PPP1R13B: variants seen among roughly 807,000 people sequenced by gnomAD.
The protein encoded by PPP1R13B is apoptosis-stimulating of p53 protein 1.
PPP1R13B carries 44 observed loss-of-function variants against 119.8 expected under a neutral mutation model. The observed-to-expected ratio is 0.37, with a 90% confidence interval of 0.29 to 0.47. PPP1R13B has a LOEUF of 0.47. PPP1R13B is among the 20% of genes least tolerant of loss of function. The pLI is 0.99. For synonymous variants in PPP1R13B, 542 were observed against 561.5 expected (o/e 0.97, Z 0.49); for missense variants, 1,227 against 1,413.5 (o/e 0.87, Z 2.12).
intron 1 of PPP1R13B, among the ~76,000 whole-genome samples, chr14:103,803,558 C>T (rs1025177050): frequency 6.6e-6 from 1 of 152,044 alleles, no homozygotes; most frequent in East Asian, 1.9e-4. Flanking sequence ...CAGGAGAATG[C>T]TGTGAACCCG....
chr14:103,763,927 G>C, intron 4 of PPP1R13B: 1 of 152,126 alleles, frequency 6.6e-6, no homozygotes, highest in South Asian at 2.1e-4. Flanking sequence ...CTGCTGTGAG[G>C]TTTTTGAGGT....
At chr14:103,752,483 A>G (rs2084573076) in intron 7 of PPP1R13B, among the ~76,000 whole-genome samples, 1 of 151,410 alleles carries the variant, frequency 6.6e-6, no homozygotes, top group South Asian at 2.1e-4. Context: ...TACTGAAGCC[A>G]CTGAATTGTA....
At chr14:103,797,266 T>C (rs2085781756) in intron 2 of PPP1R13B, 105 bp downstream of exon 2, 4 of 1,189,174 alleles carry the variant, frequency 3.4e-6, no homozygotes, top group Admixed American at 5.0e-5. Flanking sequence ...AGTTACTTTT[T>C]TTCCCCATCT....
intron 11 of PPP1R13B, among the ~76,000 whole-genome samples, chr14:103,741,209 C>T (rs553614718): frequency 2.0e-5 from 3 of 152,342 alleles, no homozygotes; most frequent in South Asian, 2.1e-4. Context: ...AGACCTGACC[C>T]GCGGCTTCCT....
In PPP1R13B at chr14:103,813,678, C is replaced by T. The variant is rs925815571; in HGVS notation, c.10-16160G>A. Among the ~76,000 whole-genome samples, 9 of 152,100 alleles carry T rather than the reference C, an allele frequency of 5.9e-5. No homozygotes were observed. In the South Asian group the frequency reaches 6.2e-4, roughly 11 times the overall value. Reference sequence around the variant, plus strand: ...TTTCCTTTATAAATTACCCAGTCTCCGGTAGTTCTTTATAGCAGGGTAAGA... The same window carrying T: ...TTTCCTTTATAAATTACCCAGTCTCTGGTAGTTCTTTATAGCAGGGTAAGA... On this transcript the variant is annotated intron_variant, in intron 1 of 16. Transcript: ENST00000202556.
intron 11 of PPP1R13B, among the ~76,000 whole-genome samples, chr14:103,741,065 C>A (rs2084245252): frequency 6.6e-6 from 1 of 152,214 alleles, no homozygotes; most frequent in Non-Finnish European, 1.5e-5. Context: ...CCAGAACCCT[C>A]CCCACAAGGG....
At chr14:103,797,625 A>C in intron 1 of PPP1R13B, 107 bp from the exon 2 acceptor site, 1 of 487,846 alleles carries the variant, frequency 2.0e-6, no homozygotes, top group Non-Finnish European at 3.4e-6. Context: ...CAAAATGCCT[A>C]CAGAATTATT....
chr14:103,783,454 G>A (rs1397337279), intron 3 of PPP1R13B, among the ~76,000 whole-genome samples: 2 of 151,958 alleles, frequency 1.3e-5, no homozygotes, highest in Non-Finnish European at 2.9e-5. Context: ...GTTTTACCAC[G>A]TTGGCCAGGC....
chr14:103,777,246 G>A (rs2085225754), intron 4 of PPP1R13B, among the ~76,000 whole-genome samples: 1 of 152,070 alleles, frequency 6.6e-6, no homozygotes, highest in African/African-American at 2.4e-5. Context: ...ACCGACCTTG[G>A]CCTCCCAAAG....
intron 3 of PPP1R13B, among the ~76,000 whole-genome samples, chr14:103,784,095 G>A (rs1300847843): frequency 6.6e-6 from 1 of 152,106 alleles, no homozygotes; most frequent in Non-Finnish European, 1.5e-5. Context: ...AGAATCGCTT[G>A]CACCCAGGAG....
chr14:103,762,407 T>C (rs777302936), intron 4 of PPP1R13B, among the ~76,000 whole-genome samples: 15 of 134,666 alleles, frequency 1.1e-4, no homozygotes, highest in Non-Finnish European at 1.8e-4. Flanking sequence ...TACTTCATTA[T>C]GGTTATAATA....
chr14:103,802,073 T>A (rs1371828905), intron 1 of PPP1R13B, among the ~76,000 whole-genome samples: 1 of 152,204 alleles, frequency 6.6e-6, no homozygotes, highest in Admixed American at 6.5e-5. Flanking sequence ...ACTAATACTT[T>A]AACAGTTTCA....
intron 12 of PPP1R13B, chr14:103,739,306 G>C (rs1209216954): frequency 2.4e-6 from 1 of 416,190 alleles, no homozygotes; most frequent in Admixed American, 3.8e-5. Context: ...GGAAGACTCT[G>C]TGGGAGGGAG....
chr14:103,803,656 TA>T (rs2085953227), intron 1 of PPP1R13B, among the ~76,000 whole-genome samples: 2 of 151,920 alleles, frequency 1.3e-5, no homozygotes, highest in African/African-American at 4.8e-5. Context: ...AATAAATAAA[TA>T]AATAAATAAT....
At chr14:103,752,345 G>A (rs2084569012) in intron 7 of PPP1R13B, among the ~76,000 whole-genome samples, 1 of 152,110 alleles carries the variant, frequency 6.6e-6, no homozygotes, top group Non-Finnish European at 1.5e-5. Flanking sequence ...GTAGATCTGT[G>A]GCTGCCAGGC....
At chr14:103,750,038 A>G (rs2084500410) in intron 7 of PPP1R13B, 104 bp from the exon 8 acceptor site, 1 of 1,280,502 alleles carries the variant, frequency 7.8e-7, no homozygotes, top group Non-Finnish European at 1.1e-6. Context: ...GTTCTCATGT[A>G]TATTTACATG....
At position 103,784,864 on chromosome 14, in the gene PPP1R13B, C is replaced by T. The variant is rs746136016; in HGVS notation, c.208G>A (p.Gly70Ser). 8 of 1,607,604 alleles carry T rather than the reference C, an allele frequency of 5.0e-6. No homozygotes were observed. Among genetic ancestry groups the T allele is most frequent in the Admixed American group, 1.7e-5 (1 of 59,916 alleles). The part of the protein sequence containing the change: ...HMMYEHLQKW[G>S]PRREEVKFFL... ...AATTTCACTTCTTCCCTCCGTGGAC[C>T]CCATTTCTGAAGATGTTCGTACATC... is the stretch of plus-strand genomic sequence containing the variant. The change falls in exon 3 of 17, where the codon GGT becomes AGT. Residue 70 changes from glycine to serine, a missense_variant. By Grantham distance (56) the Gly-to-Ser change is moderately conservative. Coordinates refer to ENST00000202556, the MANE Select transcript of PPP1R13B (RefSeq NM_015316.3).
rs185216918 is a variant in PPP1R13B at position 103,814,289 on chromosome 14, C to T, written c.10-16771G>A. The stretch of plus-strand genomic sequence containing the variant: ...CCATGAACCTGGGAGGCCGAGCTTG[C>T]AGTGAGCCGAGATTGCCCCACTGCA... On this transcript the variant is annotated intron_variant, in intron 1 of 16. Transcript: ENST00000202556. Among the ~76,000 whole-genome samples, 179 of 152,284 alleles carry T rather than the reference C, an allele frequency of 1.2e-3. 2 individuals are homozygous for T. In the East Asian group the frequency reaches 0.033, roughly 28 times the overall value.
Position 103,749,868 on chromosome 14 carries a change from G to A in PPP1R13B, c.895C>T (p.Arg299Cys). The A allele has an allele frequency of 6.2e-7, 1 of 1,614,080 alleles. No homozygotes were observed. Among genetic ancestry groups the A allele is most frequent in the Non-Finnish European group, 8.5e-7 (1 of 1,180,000 alleles). The change falls in exon 8 of 17, where the codon CGC becomes TGC. Residue 299 changes from arginine to cysteine, a missense_variant. Arg to Cys is a radical substitution (Grantham distance 180, BLOSUM62 -3). Coordinates refer to ENST00000202556, the MANE Select transcript of PPP1R13B (RefSeq NM_015316.3). ...LQQQKELLNK[R>C]NMEVAMMDKR... ...TCCATCATGGCCACCTCCATGTTGC[G>A]CTTATTTAAGAGTTCCTTCTGCTGC...
Sources: gnomAD v4.1 joint callset for allele counts (sites outside exome capture counted in the v4.1 genomes callset) on GRCh38, gnomAD v4.1.1 for gene constraint, MANE v1.5 for transcripts, NCBI Gene and HGNC (gene_info 2026-07-23, HGNC 2026-07-21) for gene names.